SLIT3: variants seen among roughly 807,000 people sequenced by gnomAD.
The protein encoded by SLIT3 is slit guidance ligand 3.
SLIT3 carries 68 observed loss-of-function variants against 184.0 expected under a neutral mutation model. The ratio of observed to expected loss-of-function variants is 0.37; its 90% CI spans 0.30 to 0.45. The LOEUF is 0.45. Ranked by LOEUF, SLIT3 falls within the 20% of genes least tolerant of loss-of-function variation. SLIT3 has a pLI of 1.00. For synonymous variants in SLIT3, 831 were observed against 828.6 expected (o/e 1.00, Z -0.05); for missense variants, 1,707 against 2,026.0 (o/e 0.84, Z 3.02).
intron 4 of SLIT3, among the ~76,000 whole-genome samples, chr5:168,942,530 C>G (rs755214544): frequency 7.2e-5 from 11 of 152,304 alleles, no homozygotes; most frequent in Middle Eastern, 3.4e-3. Context: ...GAGGGGTAGA[C>G]AGAATCATTA....
At chr5:168,846,388 C>T (rs1330066991) in intron 5 of SLIT3, among the ~76,000 whole-genome samples, 2 of 152,132 alleles carry the variant, frequency 1.3e-5, no homozygotes, top group Admixed American at 6.5e-5. Flanking sequence ...TTTATTCACA[C>T]GGGTTTGCTA....
intron 4 of SLIT3, among the ~76,000 whole-genome samples, chr5:169,126,651 G>A (rs1422251626): frequency 2.0e-5 from 3 of 152,170 alleles, no homozygotes; most frequent in East Asian, 1.9e-4. Context: ...CCCTTGACAC[G>A]ACAACATTAA....
chr5:169,095,157 T>C (rs1029007201), intron 4 of SLIT3, among the ~76,000 whole-genome samples: 4 of 152,234 alleles, frequency 2.6e-5, no homozygotes, highest in Non-Finnish European at 5.9e-5. Flanking sequence ...AGGCAAACCC[T>C]TGTCTCAATC....
At chr5:168,995,478 G>T (rs1304698537) in intron 4 of SLIT3, 1 of 152,202 alleles carries the variant, frequency 6.6e-6, no homozygotes, top group Non-Finnish European at 1.5e-5. Flanking sequence ...AATCTAGTTT[G>T]TCTTCCCCAG....
At chr5:169,191,793 TG>T (rs2113466347) in intron 4 of SLIT3, among the ~76,000 whole-genome samples, 1 of 152,140 alleles carries the variant, frequency 6.6e-6, no homozygotes, top group South Asian at 2.1e-4. Flanking sequence ...CTGCAAAAAA[TG>T]GCCATCACCT....
chr5:169,122,307 A>T (rs1760911370), intron 4 of SLIT3, among the ~76,000 whole-genome samples: 1 of 152,218 alleles, frequency 6.6e-6, no homozygotes, highest in Non-Finnish European at 1.5e-5. Context: ...GGTTGCTCAT[A>T]AAATGGTCAT....
chr5:168,752,815 G>A (rs968027069), intron 18 of SLIT3, 140 bp downstream of exon 18: 18 of 779,112 alleles, frequency 2.3e-5, no homozygotes, highest in Admixed American at 2.0e-4. Flanking sequence ...TGCCTGCCTG[G>A]CACATACAGA....
chr5:168,969,730 A>C (rs1051808473), intron 4 of SLIT3, among the ~76,000 whole-genome samples: 1 of 152,228 alleles, frequency 6.6e-6, no homozygotes. Context: ...GTTTCCATGA[A>C]CTTGCTTTCT....
Position 169,126,302 on chromosome 5 carries a change from CAGAG to C in SLIT3, c.413+67173_413+67176del, listed in dbSNP as rs541164741. 7.0e-4 allele frequency among the ~76,000 whole-genome samples: 107 copies of C among 152,010 alleles called. 2 individuals carry two copies. Among genetic ancestry groups the C allele is most frequent in the Admixed American group, 6.1e-3 (93 of 15,268 alleles). On this transcript the variant is annotated intron_variant, in intron 4 of 35. Transcript: ENST00000519560. The stretch of plus-strand genomic sequence containing the variant: ...CAAATGTATTTAAATAAAGAAGAGA[CAGAG>C]AGAAGGAAAGCAGGAGAGAGAGAGG...
intron 4 of SLIT3, among the ~76,000 whole-genome samples, chr5:169,154,986 C>T (rs761871104): frequency 1.5e-4 from 23 of 152,196 alleles, no homozygotes; most frequent in Non-Finnish European, 1.3e-4. Flanking sequence ...GGAACATCAA[C>T]AGAAGGAATC....
At chr5:169,168,003 C>T (rs1261721004) in intron 4 of SLIT3, among the ~76,000 whole-genome samples, 8 of 152,234 alleles carry the variant, frequency 5.3e-5, no homozygotes, top group Non-Finnish European at 7.3e-5. Context: ...CCTAGCCTGT[C>T]CACTCTGGGG....
At chr5:169,063,302 C>G (rs1174626702) in intron 4 of SLIT3, among the ~76,000 whole-genome samples, 1 of 152,178 alleles carries the variant, frequency 6.6e-6, no homozygotes, top group South Asian at 2.1e-4. Context: ...ACAGGCTTGC[C>G]CCTTGATAGC....
chr5:168,904,116 CCCT>C (rs1470169664), intron 4 of SLIT3, among the ~76,000 whole-genome samples: 2 of 152,158 alleles, frequency 1.3e-5, no homozygotes, highest in Non-Finnish European at 2.9e-5. Flanking sequence ...GTGTCCAGCG[CCCT>C]CCTCATTCTC....
At chr5:168,749,339 C>T in intron 19 of SLIT3, 133 bp downstream of exon 19, 1 of 991,768 alleles carries the variant, frequency 1.0e-6, no homozygotes, top group Non-Finnish European at 1.5e-6. Flanking sequence ...ATCTGCAGAG[C>T]TCTCCAGAGC....
chr5:169,289,159 G>A (rs1767257503), intron 1 of SLIT3, among the ~76,000 whole-genome samples: 1 of 152,190 alleles, frequency 6.6e-6, no homozygotes, highest in Non-Finnish European at 1.5e-5. Flanking sequence ...CGGGCAGTTA[G>A]AAAGTGACAG....
intron 4 of SLIT3, among the ~76,000 whole-genome samples, chr5:169,100,517 T>C (rs1462343280): frequency 2.0e-5 from 3 of 152,186 alleles, no homozygotes; most frequent in African/African-American, 7.2e-5. Flanking sequence ...GTCAGGAATA[T>C]GGGTCCATGC....
chr5:169,061,463 A>G (rs377339169), intron 4 of SLIT3, among the ~76,000 whole-genome samples: 9 of 152,200 alleles, frequency 5.9e-5, no homozygotes, highest in African/African-American at 2.2e-4. Context: ...CAGAGGCCCA[A>G]TAGCTGCCCC....
At chr5:168,893,090 A>T (rs1291454607) in intron 4 of SLIT3, among the ~76,000 whole-genome samples, 1 of 152,208 alleles carries the variant, frequency 6.6e-6, no homozygotes, top group Non-Finnish European at 1.5e-5. Flanking sequence ...TGTGTGCAGA[A>T]ATCTGGTGCT....
At chr5:168,824,611 T>C (rs937295825) in intron 6 of SLIT3, among the ~76,000 whole-genome samples, 5 of 152,090 alleles carry the variant, frequency 3.3e-5, no homozygotes, top group Admixed American at 1.3e-4. Flanking sequence ...TGTGGGGAAG[T>C]CAGGCATAGC....
Sources: gnomAD v4.1 joint callset for allele counts (sites outside exome capture counted in the v4.1 genomes callset) on GRCh38, gnomAD v4.1.1 for gene constraint, MANE v1.5 for transcripts, NCBI Gene and HGNC (gene_info 2026-07-23, HGNC 2026-07-21) for gene names.